Variants in HS6ST3 observed in about 807,000 individuals in gnomAD.
HS6ST3 encodes the protein heparan sulfate 6-O-sulfotransferase 3.
A neutral mutation model predicts 36.7 loss-of-function variants in HS6ST3; 12 were observed. That is an observed-to-expected ratio of 0.33 (90% CI 0.21 to 0.53). The LOEUF is 0.53. Among genes scored for constraint, HS6ST3 ranks in the 20% least tolerant of loss-of-function variants. The pLI is 0.95. For missense variants in HS6ST3, 584 were observed against 640.9 expected (o/e 0.91, Z 0.96); for synonymous variants, 240 against 257.5 (o/e 0.93, Z 0.65).
chr13:96,803,675 T>G (rs1878135045), intron 1 of HS6ST3, among the ~76,000 whole-genome samples: 1 of 152,226 alleles, frequency 6.6e-6, no homozygotes, highest in Non-Finnish European at 1.5e-5. Flanking sequence ...AGAATTTATT[T>G]GTTTGCCTGT....
intron 1 of HS6ST3, among the ~76,000 whole-genome samples, chr13:96,607,234 G>A (rs9805850): frequency 1.9e-4 from 29 of 152,216 alleles, no homozygotes; most frequent in African/African-American, 6.7e-4. Flanking sequence ...ACAATGGAAA[G>A]AAAATTAGAT....
At chr13:96,414,092 C>T (rs1013667026) in intron 1 of HS6ST3, among the ~76,000 whole-genome samples, 1 of 152,158 alleles carries the variant, frequency 6.6e-6, no homozygotes, top group Non-Finnish European at 1.5e-5. Flanking sequence ...GTGAGTTTTG[C>T]TGACTTTGTT....
intron 1 of HS6ST3, among the ~76,000 whole-genome samples, chr13:96,405,724 T>C (rs2055474936): frequency 1.3e-5 from 2 of 152,224 alleles, no homozygotes; most frequent in South Asian, 4.1e-4. Context: ...GGAATGATTG[T>C]TTTCCTTGGT....
intron 1 of HS6ST3, among the ~76,000 whole-genome samples, chr13:96,237,221 G>A (rs1373452168): frequency 2.0e-5 from 3 of 152,198 alleles, no homozygotes; most frequent in African/African-American, 7.2e-5. Flanking sequence ...ATATCAGCTG[G>A]TGACCTTGCC....
chr13:96,721,928 A>G (rs908485700), intron 1 of HS6ST3, among the ~76,000 whole-genome samples: 1 of 152,180 alleles, frequency 6.6e-6, no homozygotes, highest in Admixed American at 6.6e-5. Flanking sequence ...CGGGGTTTTC[A>G]GAGATTGGGG....
chr13:96,719,962 G>A (rs549025635), intron 1 of HS6ST3, among the ~76,000 whole-genome samples: 29 of 152,258 alleles, frequency 1.9e-4, no homozygotes, highest in African/African-American at 6.7e-4. Flanking sequence ...TGGGTTAAAG[G>A]GGGTGCTGTC....
chr13:96,646,612 G>A (rs1292818342), intron 1 of HS6ST3, among the ~76,000 whole-genome samples: 1 of 152,022 alleles, frequency 6.6e-6, no homozygotes, highest in Admixed American at 6.6e-5. Context: ...AAAGTGATAA[G>A]TGCATGGTAG....
chr13:96,741,920 C>A (rs942479490), intron 1 of HS6ST3, among the ~76,000 whole-genome samples: 2 of 152,086 alleles, frequency 1.3e-5, no homozygotes, highest in African/African-American at 4.8e-5. Flanking sequence ...ACTGCTCCAT[C>A]CCCTCTTCCC....
intron 1 of HS6ST3, among the ~76,000 whole-genome samples, chr13:96,585,656 G>C (rs983976285): frequency 1.3e-5 from 2 of 152,074 alleles, no homozygotes; most frequent in African/African-American, 4.8e-5. Context: ...CTGCTCTCTA[G>C]TTCTGTGAGA....
chr13:96,281,518 A>G (rs371757254), intron 1 of HS6ST3, among the ~76,000 whole-genome samples: 2 of 152,186 alleles, frequency 1.3e-5, no homozygotes, highest in African/African-American at 2.4e-5. Context: ...CTCTAGCACT[A>G]CAATAGAATA....
At chr13:96,366,682 C>T (rs1369593317) in intron 1 of HS6ST3, among the ~76,000 whole-genome samples, 1 of 151,910 alleles carries the variant, frequency 6.6e-6, no homozygotes, top group Non-Finnish European at 1.5e-5. Context: ...GGCATAGTAC[C>T]CCAGATGATT....
chr13:96,663,732 C>A (rs1031339365), intron 1 of HS6ST3, among the ~76,000 whole-genome samples: 5 of 152,096 alleles, frequency 3.3e-5, no homozygotes, highest in African/African-American at 1.2e-4. Context: ...ATCTAATAGT[C>A]CAATTCAAAC....
chr13:96,553,654 T>G (rs943182159), intron 1 of HS6ST3, among the ~76,000 whole-genome samples: 1 of 152,230 alleles, frequency 6.6e-6, no homozygotes, highest in Non-Finnish European at 1.5e-5. Flanking sequence ...CCTGCACAGA[T>G]GTGCCCACAT....
chr13:96,597,234 T>C (rs894246873), intron 1 of HS6ST3, among the ~76,000 whole-genome samples: 1 of 151,824 alleles, frequency 6.6e-6, no homozygotes, highest in African/African-American at 2.4e-5. Flanking sequence ...AAATAACTAA[T>C]GCATGCTAGG....
In HS6ST3 at chr13:96,221,781, G is replaced by A. The variant is rs907942070; in HGVS notation, c.707+130212G>A. Among the ~76,000 whole-genome samples, 3 of 152,140 alleles carry A rather than the reference G, an allele frequency of 2.0e-5. No homozygotes were observed. The East Asian group carries it at 5.8e-4, about 29-fold the overall frequency. ...TAGTTGGAGAGTTTATTAGCAGGTTGTATGATGTAAGCAACATAGAAGATC... is the reference window on the plus strand; with the variant it reads ...TAGTTGGAGAGTTTATTAGCAGGTTATATGATGTAAGCAACATAGAAGATC... On this transcript the variant is annotated intron_variant, in intron 1 of 1. Coordinates refer to ENST00000376705, the MANE Select transcript of HS6ST3 (RefSeq NM_153456.4).
chr13:96,206,890 TA>T (rs2054373162), intron 1 of HS6ST3, among the ~76,000 whole-genome samples: 1 of 152,122 alleles, frequency 6.6e-6, no homozygotes, highest in African/African-American at 2.4e-5. Flanking sequence ...ATTCAGGACA[TA>T]GGCATGGGCA....
At chr13:96,437,069 A>C (rs547431814) in intron 1 of HS6ST3, among the ~76,000 whole-genome samples, 3 of 152,170 alleles carry the variant, frequency 2.0e-5, no homozygotes, top group Admixed American at 6.5e-5. Context: ...GTAGCTACCA[A>C]ATATGTTGTG....
intron 1 of HS6ST3, among the ~76,000 whole-genome samples, chr13:96,230,909 A>G (rs2054504895): frequency 6.6e-6 from 1 of 152,136 alleles, no homozygotes; most frequent in Admixed American, 6.5e-5. Context: ...GGAACCCAAG[A>G]CAAACAGAAA....
chr13:96,456,986 T>C (rs10508028), intron 1 of HS6ST3, among the ~76,000 whole-genome samples: 47,991 of 151,952 alleles, frequency 0.32, 9,363 homozygotes, highest in Non-Finnish European at 0.44. Context: ...CATGTGCAAA[T>C]GATTTTAAAT....
Sources: allele counts gnomAD v4.1 joint callset (sites outside exome capture counted in the v4.1 genomes callset), GRCh38; gene constraint gnomAD v4.1.1; transcripts MANE v1.5; gene names NCBI Gene and HGNC (gene_info 2026-07-23, HGNC 2026-07-21).